EIF2B3: variants seen among roughly 807,000 people sequenced by gnomAD.
EIF2B3 encodes eukaryotic translation initiation factor 2B subunit gamma.
In EIF2B3, 20 loss-of-function variants were observed where a neutral mutation model predicts 54.1. That is an observed-to-expected ratio of 0.37 (90% CI 0.26 to 0.54). EIF2B3 has a LOEUF of 0.54. EIF2B3 is among the 20% of genes least tolerant of loss of function. The pLI is 0.86. For synonymous variants in EIF2B3, 153 were observed against 188.1 expected (o/e 0.81, Z 1.52); for missense variants, 448 against 547.8 (o/e 0.82, Z 1.82).
At chr1:44,851,791 G>A (rs1654278905) in intron 11 of EIF2B3, among the ~76,000 whole-genome samples, 1 of 152,150 alleles carries the variant, frequency 6.6e-6, no homozygotes, top group Non-Finnish European at 1.5e-5. Flanking sequence ...GTTGTTGTGA[G>A]AATTCAATGA....
In EIF2B3 at chr1:44,920,043, T is replaced by C. The variant is rs551989050; in HGVS notation, c.566+6585A>G. Among the ~76,000 whole-genome samples, 977 of 150,972 alleles carry C rather than the reference T, an allele frequency of 6.5e-3. 10 individuals are homozygous for C. The highest frequency in any genetic ancestry group is 9.3e-3 in the Non-Finnish European group (627 of 67,686). On this transcript the variant is annotated intron_variant, in intron 5 of 11. Coordinates refer to ENST00000360403, the MANE Select transcript of EIF2B3 (RefSeq NM_020365.5). ...CCTGAATGTCCTTTTTCTTTCTTTT[T>C]TTTTTTTTTCGAGCAGAGTCTCCCT...
At chr1:44,933,960 T>A (rs955301588) in intron 4 of EIF2B3, among the ~76,000 whole-genome samples, 4 of 151,104 alleles carry the variant, frequency 2.6e-5, no homozygotes, top group Admixed American at 2.0e-4. Context: ...CCGTCTCTAC[T>A]AAAAATACAA....
chr1:44,907,718 T>C (rs1426149501), intron 5 of EIF2B3, among the ~76,000 whole-genome samples: 1 of 151,720 alleles, frequency 6.6e-6, no homozygotes, highest in East Asian at 1.9e-4. Flanking sequence ...CTGACCAACA[T>C]GGAGAAACCC....
At chr1:44,896,980 A>T (rs1472620527) in intron 6 of EIF2B3, among the ~76,000 whole-genome samples, 1 of 152,206 alleles carries the variant, frequency 6.6e-6, no homozygotes, top group African/African-American at 2.4e-5. Flanking sequence ...CATCTACAGG[A>T]TAACTGCCTA....
Position 44,900,715 on chromosome 1 carries a change from T to C in EIF2B3, c.567-3271A>G, listed in dbSNP as rs75945442. On this transcript the variant is annotated intron_variant, in intron 5 of 11. Transcript: ENST00000360403. Reference sequence around the variant, plus strand: ...ATCATTAATCTGCCTCCTGTCTCTATAGATTTATAGATTTGCTTTTTCTGT... The same window carrying C: ...ATCATTAATCTGCCTCCTGTCTCTACAGATTTATAGATTTGCTTTTTCTGT... Among the ~76,000 whole-genome samples, 1,309 of 152,036 alleles carry C rather than the reference T, an allele frequency of 8.6e-3. 16 individuals are homozygous for C. Among genetic ancestry groups the C allele is most frequent in the African/African-American group, 0.03 (1,244 of 41,520 alleles).
chr1:44,906,702 A>C (rs1643418219), intron 5 of EIF2B3, among the ~76,000 whole-genome samples: 1 of 152,124 alleles, frequency 6.6e-6, no homozygotes, highest in Non-Finnish European at 1.5e-5. Flanking sequence ...GCCCGGGATA[A>C]AAGATATTAT....
At chr1:44,959,150 C>T (rs760967492) in intron 3 of EIF2B3, 201 of 727,908 alleles carry the variant, frequency 2.8e-4, no homozygotes, top group Non-Finnish European at 3.8e-4. Context: ...GAACCATCTA[C>T]GATTGCACAG....
intron 3 of EIF2B3, among the ~76,000 whole-genome samples, chr1:44,943,580 T>C (rs926626256): frequency 4.6e-5 from 7 of 151,478 alleles, no homozygotes; most frequent in Non-Finnish European, 1.0e-4. Context: ...CCACCACACC[T>C]GGCTAATTTT....
chr1:44,971,344 T>A (rs1481160108), intron 3 of EIF2B3, among the ~76,000 whole-genome samples: 1 of 144,806 alleles, frequency 6.9e-6, no homozygotes, highest in Non-Finnish European at 1.5e-5. Context: ...CACTCCAGCC[T>A]GGGCTACAGA....
At chr1:44,965,842 G>C (rs1032841587) in intron 3 of EIF2B3, among the ~76,000 whole-genome samples, 2 of 151,808 alleles carry the variant, frequency 1.3e-5, no homozygotes, top group African/African-American at 4.8e-5. Context: ...GCTTCTCCAT[G>C]TTGGCCAGGC....
chr1:44,861,594 C>G (rs1457773548), intron 10 of EIF2B3, among the ~76,000 whole-genome samples: 1 of 152,170 alleles, frequency 6.6e-6, no homozygotes, highest in African/African-American at 2.4e-5. Flanking sequence ...ATTTCCATAG[C>G]AATAAACAGC....
intron 4 of EIF2B3, among the ~76,000 whole-genome samples, chr1:44,931,417 C>T (rs1424459137): frequency 6.6e-6 from 1 of 152,162 alleles, no homozygotes; most frequent in Admixed American, 6.5e-5. Flanking sequence ...GATTCTTGGC[C>T]CACAGTGTTG....
intron 5 of EIF2B3, among the ~76,000 whole-genome samples, chr1:44,907,804 C>T (rs1043642101): frequency 2.8e-5 from 4 of 144,080 alleles, no homozygotes; most frequent in Non-Finnish European, 4.5e-5. Context: ...GCAGGAGAAT[C>T]GCTTGAACCC....
At chr1:44,939,821 T>C (rs1475972468) in intron 4 of EIF2B3, among the ~76,000 whole-genome samples, 2 of 152,118 alleles carry the variant, frequency 1.3e-5, no homozygotes, top group Non-Finnish European at 2.9e-5. Flanking sequence ...GATTTTTTAA[T>C]TGATTTTTAT....
chr1:44,982,871 T>C (rs193293114), intron 1 of EIF2B3, among the ~76,000 whole-genome samples: 3 of 152,056 alleles, frequency 2.0e-5, no homozygotes, highest in Admixed American at 2.0e-4. Context: ...CAAGTGATTC[T>C]CCTGCCTCAG....
chr1:44,971,998 C>A (rs1380318333), intron 3 of EIF2B3, among the ~76,000 whole-genome samples: 1 of 152,054 alleles, frequency 6.6e-6, no homozygotes, highest in Non-Finnish European at 1.5e-5. Context: ...CACCATTGCA[C>A]TCCAGCCTGG....
chr1:44,949,065 C>T (rs1053094826), intron 3 of EIF2B3, among the ~76,000 whole-genome samples: 8 of 152,112 alleles, frequency 5.3e-5, no homozygotes, highest in Non-Finnish European at 4.4e-5. Flanking sequence ...GACAGTGTTT[C>T]GCCATGTTGG....
chr1:44,889,017 T>C (rs543435877), intron 6 of EIF2B3, among the ~76,000 whole-genome samples: 100 of 152,388 alleles, frequency 6.6e-4, no homozygotes, highest in African/African-American at 2.3e-3. Flanking sequence ...GCTTTGACTT[T>C]TCACAGTGAT....
chr1:44,925,591 C>T (rs1239630657), intron 5 of EIF2B3, among the ~76,000 whole-genome samples: 1 of 152,142 alleles, frequency 6.6e-6, no homozygotes, highest in Non-Finnish European at 1.5e-5. Flanking sequence ...TGTTTCACCA[C>T]AATGTGAACA....
Sources: gnomAD v4.1 joint callset for allele counts (sites outside exome capture counted in the v4.1 genomes callset) on GRCh38, gnomAD v4.1.1 for gene constraint, MANE v1.5 for transcripts, NCBI Gene and HGNC (gene_info 2026-07-23, HGNC 2026-07-21) for gene names.